TBC1D31: variants seen among roughly 807,000 people sequenced by gnomAD.
The protein encoded by TBC1D31 is TBC1 domain family member 31.
TBC1D31 carries 99 observed loss-of-function variants against 132.9 expected under a neutral mutation model. The observed-to-expected ratio is 0.74, with a 90% CI of 0.63 to 0.88. The LOEUF is 0.88. Ranked by LOEUF, TBC1D31 falls within the 40% of genes least tolerant of loss-of-function variation. TBC1D31 has a pLI of 0.00. For missense variants in TBC1D31, 1,134 were observed against 1,256.6 expected (o/e 0.90, Z 1.48); for synonymous variants, 385 against 419.4 (o/e 0.92, Z 1.00).
At chr8:123,100,379 C>T (rs1202257239) in intron 6 of TBC1D31, among the ~76,000 whole-genome samples, 1 of 152,074 alleles carries the variant, frequency 6.6e-6, no homozygotes, top group Non-Finnish European at 1.5e-5. Context: ...AGTTCGAGAG[C>T]AGCCTGGCCA....
At chr8:123,090,735 C>A (rs1430294542) in intron 4 of TBC1D31, among the ~76,000 whole-genome samples, 1 of 151,984 alleles carries the variant, frequency 6.6e-6, no homozygotes, top group Non-Finnish European at 1.5e-5. Context: ...GAGTTCTAGA[C>A]CAGCCTGGCC....
At chr8:123,164,801 G>C in the TBC1D31 span, among the ~76,000 whole-genome samples, 1 of 151,954 alleles carries the variant, frequency 6.6e-6, no homozygotes. Context: ...TCCTAATACT[G>C]TTCCCCTTCC....
intron 1 of TBC1D31, among the ~76,000 whole-genome samples, chr8:123,075,816 C>T (rs766285009): frequency 2.4e-4 from 37 of 152,062 alleles, no homozygotes; most frequent in Non-Finnish European, 3.4e-4. Flanking sequence ...ATCTTTGTGA[C>T]GAGAATATAC....
chr8:123,076,095 A>G (rs1814482992), intron 1 of TBC1D31, among the ~76,000 whole-genome samples: 2 of 151,834 alleles, frequency 1.3e-5, no homozygotes, highest in Middle Eastern at 3.2e-3. Flanking sequence ...TTTTTTCCCT[A>G]TACGTATTTT....
chr8:123,130,675 G>T (rs1297187350), intron 16 of TBC1D31, among the ~76,000 whole-genome samples: 1 of 148,114 alleles, frequency 6.8e-6, no homozygotes, highest in Non-Finnish European at 1.5e-5. Context: ...AGGCTGGAGT[G>T]CAGTGGCGTG....
intron 20 of TBC1D31, among the ~76,000 whole-genome samples, chr8:123,148,841 C>T (rs1009404967): frequency 3.3e-5 from 5 of 152,034 alleles, no homozygotes; most frequent in Non-Finnish European, 5.9e-5. Context: ...TCGACCTGGC[C>T]GACATGGCCA....
chr8:123,108,277 T>C (rs1189613551), intron 8 of TBC1D31, among the ~76,000 whole-genome samples: 2 of 152,246 alleles, frequency 1.3e-5, no homozygotes, highest in Non-Finnish European at 2.9e-5. Context: ...CTGTTTCATA[T>C]AGTTGTTAGA....
Position 123,091,944 on chromosome 8 carries a change from C to A in TBC1D31, c.520-1647C>A, listed in dbSNP as rs926424206. On this transcript the variant is annotated intron_variant, in intron 4 of 21. Transcript: ENST00000287380. ...GATAGGATTATATATGCATTTGCAC[C>A]TTTTTACTCATATAAAAAAATGGCT... Among the ~76,000 whole-genome samples, 21 of 152,218 alleles carry A rather than the reference C, an allele frequency of 1.4e-4. No individual in the cohort carries two copies. In the East Asian group the frequency reaches 3.7e-3, roughly 27 times the overall value.
the TBC1D31 span, among the ~76,000 whole-genome samples, chr8:123,158,017 CCTT>C: frequency 9.0e-6 from 1 of 110,742 alleles, no homozygotes; most frequent in Admixed American, 1.0e-4. Context: ...ATTTTTTCTT[CCTT>C]TTTTTTTTTT....
intron 4 of TBC1D31, 111 bp from the exon 5 acceptor site, chr8:123,093,480 G>C (rs1245697706): frequency 1.2e-5 from 8 of 652,674 alleles, no homozygotes; most frequent in Non-Finnish European, 1.9e-5. Context: ...ATTTTCCCCA[G>C]CTTAAGAAAA....
rs369772094 is a variant in TBC1D31, at chr8:123,129,083, T to C, written c.2135T>C (p.Met712Thr). The change falls in exon 15 of 22, where the codon ATG (methionine) becomes ACG (threonine). Residue 712 changes from methionine to threonine, a missense_variant. Transcript: ENST00000287380. ...TACTTAAGGCAGACAGTTGAAGATATGCAAGCTAAAGTCGACCAGCAAAGA... is the reference window on the plus strand; with the variant it reads ...TACTTAAGGCAGACAGTTGAAGATACGCAAGCTAAAGTCGACCAGCAAAGA... ...YLRERQTVED[M>T]QAKVDQQRVE... 2.3e-4 allele frequency: 361 copies of C among 1,599,380 alleles called. No homozygotes were observed. The highest frequency in any genetic ancestry group is 3.0e-4 in the Non-Finnish European group (353 of 1,170,896).
intron 11 of TBC1D31, among the ~76,000 whole-genome samples, chr8:123,121,863 C>A (rs1819519308): frequency 6.6e-6 from 1 of 152,032 alleles, no homozygotes; most frequent in African/African-American, 2.4e-5. Context: ...ACAAACAAGC[C>A]AATTAAAAAA....
Position 123,120,127 on chromosome 8 carries a change from A to G in TBC1D31, c.1509A>G (p.Pro503=), listed in dbSNP as rs1159189384. ...DTPYLPLLAF[P]FVKLFQNNQL... ...CATATCTTCCACTCTTGGCATTTCC[A>G]TTTGTAAAATTATTCCAGAACAACC... Residue 503 remains proline (P), a synonymous_variant, in exon 11 of 22, where the codon CCA becomes CCG. Coordinates refer to ENST00000287380, the MANE Select transcript of TBC1D31 (RefSeq NM_145647.4). 6.2e-7 allele frequency: 1 copy of G among 1,611,058 alleles called. No homozygotes were observed. Among genetic ancestry groups the G allele is most frequent in the South Asian group, 1.1e-5 (1 of 90,682 alleles).
At chr8:123,076,996 C>A (rs192229244) in intron 1 of TBC1D31, 115 bp from the exon 2 acceptor site, 2 of 958,942 alleles carry the variant, frequency 2.1e-6, no homozygotes, top group Non-Finnish European at 3.0e-6. Flanking sequence ...GGGGGTATAG[C>A]GGTAGCAGTA....
chr8:123,077,381 T>C lies in TBC1D31; in HGVS notation c.224+124T>C. On this transcript the variant is annotated intron_variant, in intron 2 of 21. Transcript: ENST00000287380. ...AAGTTCTATTATATTTCAGGTACCTTGCAAAATACTGTCATAAGTGCTAAA... is the reference window on the plus strand; with the variant it reads ...AAGTTCTATTATATTTCAGGTACCTCGCAAAATACTGTCATAAGTGCTAAA... The C allele has an allele frequency of 3.2e-6, 3 of 927,352 alleles. No homozygotes were observed. The South Asian group carries it at 6.2e-5, about 19-fold the overall frequency. The allele number at this position is 927,352 out of a possible 1,614,324, so 57.4% of individuals were successfully genotyped here.
At chr8:123,098,414 G>T (rs1438150774) in intron 6 of TBC1D31, among the ~76,000 whole-genome samples, 1 of 152,000 alleles carries the variant, frequency 6.6e-6, no homozygotes, top group Non-Finnish European at 1.5e-5. Flanking sequence ...TGATTCTCCC[G>T]CCTCAGCCTC....
intron 2 of TBC1D31, chr8:123,082,477 A>C (rs777101511): frequency 1.3e-4 from 59 of 468,704 alleles, no homozygotes; most frequent in Non-Finnish European, 2.0e-4. Flanking sequence ...CCTAAAACAC[A>C]TACCTGATTG....
chr8:123,093,860 T>C (rs1342595568), intron 5 of TBC1D31, 118 bp downstream of exon 5: 7 of 684,462 alleles, frequency 1.0e-5, no homozygotes, highest in African/African-American at 1.8e-5. Context: ...AAAGTTACCT[T>C]CAAATTTAGA....
chr8:123,104,122 C>T (rs1299078873), intron 7 of TBC1D31: 1 of 152,080 alleles, frequency 6.6e-6, no homozygotes, highest in East Asian at 1.9e-4. Flanking sequence ...GGTTATACTT[C>T]ATGGTAGAGG....
Sources: allele counts gnomAD v4.1 joint callset (sites outside exome capture counted in the v4.1 genomes callset), GRCh38; gene constraint gnomAD v4.1.1; transcripts MANE v1.5; gene names NCBI Gene and HGNC (gene_info 2026-07-23, HGNC 2026-07-21).